PCSK5: variants seen among roughly 807,000 people sequenced by gnomAD.
The protein encoded by PCSK5 is proprotein convertase subtilisin/kexin type 5.
A neutral mutation model predicts 233.2 loss-of-function variants in PCSK5; 129 were observed. That is an observed-to-expected ratio of 0.55 (90% CI 0.48 to 0.64). The LOEUF (loss-of-function observed/expected upper bound fraction) is 0.64, where lower values mean the gene tolerates loss of function less well. Among genes scored for constraint, PCSK5 ranks in the 30% least tolerant of loss-of-function variants. The pLI, the probability that PCSK5 is intolerant of heterozygous loss-of-function variation, is 0.00. For missense variants in PCSK5, 2,076 were observed against 2,430.1 expected, an observed-to-expected ratio of 0.85 and a Z score of 3.06; for synonymous variants, 825 against 879.2, an observed-to-expected ratio of 0.94 and a Z score of 1.09.
At chr9:75,904,614 A>G (rs957329335) in intron 1 of PCSK5, among the ~76,000 whole-genome samples, 12 of 152,224 alleles carry the variant, frequency 7.9e-5, no homozygotes, top group African/African-American at 2.4e-4. Flanking sequence ...TAGGATGGCT[A>G]TAATAAAAAA....
intron 1 of PCSK5, among the ~76,000 whole-genome samples, chr9:75,916,545 A>G (rs1418410872): frequency 1.3e-5 from 2 of 152,174 alleles, no homozygotes; most frequent in African/African-American, 4.8e-5. Context: ...TGACTTCGGA[A>G]GAAGTGATAT....
intron 2 of PCSK5, among the ~76,000 whole-genome samples, chr9:75,975,451 C>G (rs946186583): frequency 1.3e-5 from 2 of 152,136 alleles, no homozygotes; most frequent in Admixed American, 6.5e-5. Flanking sequence ...CCTATGTCCT[C>G]TGCTTGGAGA....
chr9:76,183,311 T>A (rs978284733), intron 16 of PCSK5, among the ~76,000 whole-genome samples: 4 of 152,004 alleles, frequency 2.6e-5, no homozygotes, highest in African/African-American at 9.7e-5. Flanking sequence ...TTTGTATATC[T>A]CTCTCTTTCT....
At chr9:75,974,871 A>G (rs1047638188) in intron 2 of PCSK5, among the ~76,000 whole-genome samples, 1 of 152,202 alleles carries the variant, frequency 6.6e-6, no homozygotes. Context: ...CACTTATGCA[A>G]ACTTCACTCA....
chr9:75,957,310 G>A (rs553436421), intron 2 of PCSK5, among the ~76,000 whole-genome samples: 2 of 152,236 alleles, frequency 1.3e-5, no homozygotes, highest in East Asian at 3.9e-4. Flanking sequence ...CTATGTGGGT[G>A]GTCTAGCGTG....
At chr9:76,220,791 A>G (rs1294187985) in intron 20 of PCSK5, among the ~76,000 whole-genome samples, 2 of 150,846 alleles carry the variant, frequency 1.3e-5, no homozygotes, top group Admixed American at 1.3e-4. Flanking sequence ...ATCTACTCTT[A>G]GTGATTTTCA....
chr9:76,080,477 A>G (rs961931656), intron 7 of PCSK5, among the ~76,000 whole-genome samples: 2 of 152,226 alleles, frequency 1.3e-5, no homozygotes, highest in African/African-American at 4.8e-5. Flanking sequence ...GAAAGGATGA[A>G]TGAGTGAATG....
intron 2 of PCSK5, among the ~76,000 whole-genome samples, chr9:75,964,915 A>G (rs959160492): frequency 1.3e-5 from 2 of 152,144 alleles, no homozygotes; most frequent in Non-Finnish European, 2.9e-5. Context: ...ATTAATCCAT[A>G]TTGGTTCAAT....
chr9:75,906,393 T>G (rs1179331804), intron 1 of PCSK5, among the ~76,000 whole-genome samples: 2 of 152,032 alleles, frequency 1.3e-5, no homozygotes, highest in African/African-American at 4.8e-5. Flanking sequence ...GCCCGGCTAA[T>G]TTTTTGTATT....
intron 12 of PCSK5, among the ~76,000 whole-genome samples, chr9:76,167,217 C>A (rs1369260118): frequency 2.0e-5 from 3 of 152,148 alleles, no homozygotes; most frequent in Non-Finnish European, 4.4e-5. Context: ...GAGAGGGAAC[C>A]TTTATAGATC....
chr9:76,179,822 G>T, intron 15 of PCSK5, 124 bp downstream of exon 15: 1 of 646,986 alleles, frequency 1.5e-6, no homozygotes. Context: ...CACCAGGACC[G>T]AAACATAGAA....
intron 17 of PCSK5, among the ~76,000 whole-genome samples, chr9:76,186,358 G>A (rs1824102851): frequency 1.3e-5 from 2 of 151,238 alleles, no homozygotes; most frequent in African/African-American, 4.8e-5. Context: ...GGAATCAAGT[G>A]CCAATTTTTC....
intron 7 of PCSK5, among the ~76,000 whole-genome samples, chr9:76,073,719 G>A (rs1018459717): frequency 2.5e-5 from 3 of 118,820 alleles, no homozygotes; most frequent in Non-Finnish European, 5.0e-5. Context: ...TCATGAATGC[G>A]CATATATATA....
intron 2 of PCSK5, among the ~76,000 whole-genome samples, chr9:75,960,033 G>A (rs916739024): frequency 1.3e-5 from 2 of 152,200 alleles, no homozygotes; most frequent in African/African-American, 4.8e-5. Flanking sequence ...AAACTCATGT[G>A]TCCAACACCA....
In PCSK5 at chr9:75,903,604, ATATATATTAT is replaced by A. The variant is rs1172617076; in HGVS notation, c.192+12232_192+12241del. 1.0e-3 allele frequency among the ~76,000 whole-genome samples: 144 copies of A among 142,670 alleles called. 1 individual carries two copies. In the East Asian group the frequency reaches 0.026, roughly 26 times the overall value. 93.6% of individuals were successfully genotyped at this position (142,670 alleles called of 152,430 possible). A position where few individuals can be genotyped will look rare whatever the true frequency, so the allele number is the denominator to read the frequency against. Reference sequence around the variant, plus strand: ...TATATATATAAAATATATATTATATATATATATTATATATATATATAAAATAAGTATTTAA... The same window carrying A: ...TATATATATAAAATATATATTATATAATATATATATAAAATAAGTATTTAA... On this transcript the variant is annotated intron_variant, in intron 1 of 37. Transcript: ENST00000674117.
intron 24 of PCSK5, among the ~76,000 whole-genome samples, chr9:76,262,648 A>G (rs1409634075): frequency 6.6e-6 from 1 of 151,516 alleles, no homozygotes; most frequent in South Asian, 2.1e-4. Context: ...AAAGACTTAA[A>G]CGTTAGACCT....
Position 76,350,940 on chromosome 9 carries a change from T to TG in PCSK5, c.5067+17dup. 1 of 1,346,182 alleles carries TG rather than the reference T, an allele frequency of 7.4e-7. No homozygotes were observed. Among genetic ancestry groups the TG allele is most frequent in the Non-Finnish European group, 1.1e-6 (1 of 943,304 alleles). The allele number at this position is 1,346,182 out of a possible 1,614,324, so 83.4% of individuals were successfully genotyped here. On this transcript the variant is annotated intron_variant, in intron 36 of 37. Transcript: ENST00000674117. The stretch of plus-strand genomic sequence containing the variant: ...ACAGAGTGGGAGAGGTATGGAGGGC[T>TG]GGGGGTCCTGGGCCTTCTGCTCTTT...
intron 9 of PCSK5, among the ~76,000 whole-genome samples, chr9:76,130,770 A>C (rs1822732348): frequency 6.6e-6 from 1 of 152,096 alleles, no homozygotes; most frequent in Admixed American, 6.6e-5. Context: ...GACTCTCTTC[A>C]TATATATTTT....
At chr9:76,239,293 C>T in intron 23 of PCSK5, 128 bp downstream of exon 23, 4 of 715,530 alleles carry the variant, frequency 5.6e-6, no homozygotes, top group South Asian at 1.7e-5. Context: ...TTGGGTGACT[C>T]CCAACCCTAG....
Sources: gnomAD v4.1 joint callset for allele counts (sites outside exome capture counted in the v4.1 genomes callset) on GRCh38, gnomAD v4.1.1 for gene constraint, MANE v1.5 for transcripts, NCBI Gene and HGNC (gene_info 2026-07-23, HGNC 2026-07-21) for gene names.